The following TCF7L2 variants were observed in gnomAD, a reference collection of about 807,000 sequenced individuals.
TCF7L2 encodes transcription factor 7-like 2.
Under a neutral mutation model 77.9 loss-of-function variants are expected in TCF7L2, and 23 were observed. The ratio of observed to expected loss-of-function variants is 0.30; its 90% confidence interval spans 0.21 to 0.42. The LOEUF (loss-of-function observed/expected upper bound fraction) is 0.42. TCF7L2 is among the 10% of genes least tolerant of loss of function. The pLI, the probability that TCF7L2 is intolerant of heterozygous loss-of-function variation, is 1.00. For synonymous variants in TCF7L2, 413 were observed against 340.2 expected (o/e 1.21, Z -2.36); for missense variants, 654 against 793.1 (o/e 0.82, Z 2.11).
chr10:113,060,257 C>A (rs977102651), intron 5 of TCF7L2, among the ~76,000 whole-genome samples: 3 of 152,198 alleles, frequency 2.0e-5, no homozygotes, highest in African/African-American at 7.2e-5. Context: ...AGAGGAGATC[C>A]AGAATTCTGT....
rs566370018 is a variant in TCF7L2, at chr10:113,166,768, G to A, written c.*796G>A. 2.2e-5 allele frequency: 5 copies of A among 226,410 alleles called. No homozygotes were observed. The highest frequency in any genetic ancestry group is 3.7e-4 in the South Asian group (2 of 5,434). 14.0% of individuals were successfully genotyped at this position (226,410 alleles called of 1,614,324 possible). A position where few individuals can be genotyped will look rare whatever the true frequency, so the allele number is the denominator to read the frequency against. On this transcript the variant is annotated 3_prime_UTR_variant, in exon 14 of 14. Coordinates refer to ENST00000627217, the MANE Select transcript of TCF7L2 (RefSeq NM_001146274.2). ...ATATATAACAACTCATTTGTACAAG[G>A]TTTTTAAGTTTATATATAAAATGTG...
rs2074064182 is a variant in TCF7L2, at chr10:113,166,869, T to C, written c.*897T>C. ...CCAGATGTCACCAAATGGACATTAA[T>C]AGTTGCATTAAGGATCAGTAGCATT... is the stretch of plus-strand genomic sequence containing the variant. On this transcript the variant is annotated 3_prime_UTR_variant, in exon 14 of 14. Coordinates refer to ENST00000627217, the MANE Select transcript of TCF7L2 (RefSeq NM_001146274.2). The C allele has an allele frequency of 8.7e-6, 2 of 229,216 alleles. No homozygotes were observed. Among genetic ancestry groups the C allele is most frequent in the African/African-American group, 2.2e-5 (1 of 45,122 alleles). 14.2% of individuals were successfully genotyped at this position (229,216 alleles called of 1,614,324 possible).
intron 5 of TCF7L2, among the ~76,000 whole-genome samples, chr10:113,044,259 C>T (rs1051580682): frequency 3.9e-5 from 6 of 152,134 alleles, no homozygotes; most frequent in East Asian, 1.9e-4. Context: ...AAATAATGCA[C>T]GATGGGTAGA....
intron 12 of TCF7L2, among the ~76,000 whole-genome samples, chr10:113,158,427 G>C (rs2072419628): frequency 2.6e-5 from 4 of 152,154 alleles, no homozygotes; most frequent in Admixed American, 2.6e-4. Flanking sequence ...GGGGCTTAGG[G>C]GAGTAGGAGG....
chr10:113,136,680 G>T (rs2067456624), intron 5 of TCF7L2, among the ~76,000 whole-genome samples: 1 of 152,302 alleles, frequency 6.6e-6, no homozygotes, highest in Admixed American at 6.5e-5. Flanking sequence ...TGTTTATAAA[G>T]AGATAAAAGG....
chr10:113,157,500 A>G (rs1466784308), intron 11 of TCF7L2, among the ~76,000 whole-genome samples: 1 of 152,216 alleles, frequency 6.6e-6, no homozygotes, highest in African/African-American at 2.4e-5. Context: ...GCAAACTCTA[A>G]GAGAAGCCTC....
intron 4 of TCF7L2, among the ~76,000 whole-genome samples, chr10:113,008,073 C>T (rs1050685564): frequency 7.2e-5 from 11 of 152,202 alleles, no homozygotes; most frequent in African/African-American, 2.4e-4. Flanking sequence ...AAAGTGAAAG[C>T]GACCCATCGT....
chr10:112,993,213 A>G (rs1189159925), intron 4 of TCF7L2, among the ~76,000 whole-genome samples: 2 of 152,046 alleles, frequency 1.3e-5, no homozygotes, highest in East Asian at 3.9e-4. Flanking sequence ...GTCTTTATTA[A>G]CACACATGTG....
intron 4 of TCF7L2, among the ~76,000 whole-genome samples, chr10:113,034,407 A>G (rs1015918986): frequency 2.6e-5 from 4 of 152,182 alleles, no homozygotes; most frequent in African/African-American, 4.8e-5. Context: ...CTGAAAGATT[A>G]GGAGCAGCCA....
intron 5 of TCF7L2, among the ~76,000 whole-genome samples, chr10:113,052,447 G>T (rs1020508430): frequency 2.0e-5 from 3 of 152,138 alleles, no homozygotes. Flanking sequence ...TGGATCTATC[G>T]GAGCCCTGTC....
chr10:113,126,756 C>T, intron 5 of TCF7L2: 2 of 985,686 alleles, frequency 2.0e-6, no homozygotes, highest in Non-Finnish European at 2.4e-6. Flanking sequence ...GCGGCGCGGG[C>T]TGCAGGGCGG....
Position 113,141,321 on chromosome 10 carries a change from GC to G in TCF7L2, c.685+6del. The G allele has an allele frequency of 6.2e-7, 1 of 1,614,138 alleles. No individual in the cohort carries two copies. The highest frequency in any genetic ancestry group is 1.7e-5 in the Admixed American group (1 of 60,022). On this transcript the variant is annotated splice_donor_region_variant and intron_variant, in intron 6 of 13. Transcript: ENST00000627217. ...CCGACGTAGACCCCAAAACAGGTAG[GC>G]TGTGGGCTACGGAGCCAAGGTAGAG...
At chr10:112,971,474 A>G (rs755206898) in intron 4 of TCF7L2, among the ~76,000 whole-genome samples, 4 of 151,822 alleles carry the variant, frequency 2.6e-5, no homozygotes, top group Non-Finnish European at 5.9e-5. Flanking sequence ...ACACCTGGCT[A>G]ATTTTTGTAT....
chr10:113,093,524 T>C (rs1410848750), intron 5 of TCF7L2, among the ~76,000 whole-genome samples: 2 of 152,352 alleles, frequency 1.3e-5, no homozygotes, highest in East Asian at 3.9e-4. Context: ...CAATTGTACT[T>C]TCTGTTCCAT....
intron 4 of TCF7L2, among the ~76,000 whole-genome samples, chr10:112,997,444 G>A (rs1415185408): frequency 6.6e-6 from 1 of 152,250 alleles, no homozygotes; most frequent in East Asian, 1.9e-4. Context: ...TGGGAGAGGG[G>A]TTGGGGTCCC....
intron 5 of TCF7L2, among the ~76,000 whole-genome samples, chr10:113,079,125 C>T (rs756847118): frequency 3.9e-5 from 6 of 152,162 alleles, no homozygotes; most frequent in Non-Finnish European, 7.3e-5. Context: ...TGAGCCAGTG[C>T]GCTGGGCCAG....
At chr10:113,061,006 G>A (rs559955689) in intron 5 of TCF7L2, among the ~76,000 whole-genome samples, 1 of 152,248 alleles carries the variant, frequency 6.6e-6, no homozygotes, top group African/African-American at 2.4e-5. Flanking sequence ...AAGCTCCTTG[G>A]TTATCTCACA....
At chr10:113,150,291 T>G (rs1421673442) in intron 8 of TCF7L2, among the ~76,000 whole-genome samples, 2 of 152,136 alleles carry the variant, frequency 1.3e-5, no homozygotes, top group Admixed American at 1.3e-4. Flanking sequence ...AATCAAAGGT[T>G]TATTGTGTGT....
intron 3 of TCF7L2, among the ~76,000 whole-genome samples, chr10:112,959,212 G>A (rs187104122): frequency 5.3e-5 from 8 of 152,036 alleles, no homozygotes; most frequent in Admixed American, 3.9e-4. Flanking sequence ...GTGGAGAAAC[G>A]ATGAACATAG....
Sources: gnomAD v4.1 joint callset for allele counts (sites outside exome capture counted in the v4.1 genomes callset) on GRCh38, gnomAD v4.1.1 for gene constraint, MANE v1.5 for transcripts, NCBI Gene and HGNC (gene_info 2026-07-23, HGNC 2026-07-21) for gene names.